LGI1: variants seen among roughly 807,000 people sequenced by gnomAD.
LGI1 encodes the protein leucine rich glioma inactivated 1.
A neutral mutation model predicts 57.7 loss-of-function variants in LGI1; 11 were observed. That is an observed-to-expected ratio of 0.19 (90% CI 0.12 to 0.32). The LOEUF is 0.32. LGI1 is among the 10% of genes least tolerant of loss of function. LGI1 has a pLI of 1.00. For missense variants in LGI1, 422 were observed against 661.9 expected (o/e 0.64, Z 3.98); for synonymous variants, 222 against 241.9 (o/e 0.92, Z 0.76).
chr10:93,763,700 G>C (rs1439250399), intron 2 of LGI1: 1 of 152,170 alleles, frequency 6.6e-6, no homozygotes, highest in Admixed American at 6.5e-5. Flanking sequence ...TGCTCATGAA[G>C]TTGTGAATTC....
At chr10:93,771,019 GA>G (rs2059731610) in intron 2 of LGI1, 1 of 151,498 alleles carries the variant, frequency 6.6e-6, no homozygotes, top group South Asian at 2.1e-4. Flanking sequence ...AAGCAATAAA[GA>G]AAAGATAAAA....
chr10:93,777,519 G>T, intron 3 of LGI1, 27 bp from the exon 4 acceptor site: 1 of 1,611,458 alleles, frequency 6.2e-7, no homozygotes, highest in South Asian at 1.1e-5. Context: ...GTAACTGTTT[G>T]ACAAAAAATA....
chr10:93,794,362 CTTTTTTTT>C (rs71031540), intron 7 of LGI1, among the ~76,000 whole-genome samples: 1 of 101,198 alleles, frequency 9.9e-6, no homozygotes, highest in East Asian at 2.9e-4. Context: ...CTGGATCTCT[CTTTTTTTT>C]TTTTTTTTTT....
At chr10:93,783,722 ATC>A (rs1384422488) in intron 4 of LGI1, among the ~76,000 whole-genome samples, 1 of 152,142 alleles carries the variant, frequency 6.6e-6, no homozygotes, top group Non-Finnish European at 1.5e-5. Flanking sequence ...ATTTAAAAGT[ATC>A]TATTAGGCTG....
At chr10:93,790,017 A>C in intron 4 of LGI1, 82 bp from the exon 5 acceptor site, 2 of 1,272,310 alleles carry the variant, frequency 1.6e-6, no homozygotes, top group Non-Finnish European at 2.2e-6. Context: ...GACAAAAGAG[A>C]CTCATCACTA....
intron 2 of LGI1, among the ~76,000 whole-genome samples, chr10:93,760,274 A>G (rs1555869): frequency 0.29 from 43,617 of 151,982 alleles, 6,616 homozygotes; most frequent in South Asian, 0.42. Context: ...TGACTGGGGG[A>G]AGTGTTAGTT....
intron 4 of LGI1, 105 bp from the exon 5 acceptor site, chr10:93,789,994 G>A (rs1277500584): frequency 1.2e-5 from 13 of 1,115,522 alleles, no homozygotes; most frequent in African/African-American, 1.6e-5. Context: ...AAGTCTTTTA[G>A]TAGGCTGGAA....
Position 93,797,935 on chromosome 10 carries a change from C to T in LGI1, c.*132C>T. On this transcript the variant is annotated 3_prime_UTR_variant, in exon 8 of 8. Transcript: ENST00000371418. This position sits in a 1 kb window ranked among gnomAD's most constrained non-coding sequence, Gnocchi z 6.5. ...AAACATTGAGACTGCTAGAACCAAG[C>T]ACTACCAGTATCTCCATCCTTAACT... The T allele has an allele frequency of 1.4e-6, 1 of 730,924 alleles. No individual in the cohort carries two copies. The highest frequency in any genetic ancestry group is 1.5e-5 in the South Asian group (1 of 68,508). The allele number at this position is 730,924 out of a possible 1,614,324, so 45.3% of individuals were successfully genotyped here. A position where few individuals can be genotyped will look rare whatever the true frequency, so the allele number is the denominator to read the frequency against.
At chr10:93,791,024 A>G (rs988272972) in intron 5 of LGI1, 2 of 152,362 alleles carry the variant, frequency 1.3e-5, no homozygotes, top group East Asian at 3.9e-4. Flanking sequence ...CCAATAACAA[A>G]CAAAAAGAAA....
rs1189009034 is a variant in LGI1, at chr10:93,796,824, T to TA, written c.839-144_839-143insA. ...TTTAGGACACTGCTGCCATTGGGCT[T>TA]TGGAGACCAGCCTTGCCTAATCAAC... On this transcript the variant is annotated intron_variant, in intron 7 of 7. Coordinates refer to ENST00000371418, the MANE Select transcript of LGI1 (RefSeq NM_005097.4). 3 of 702,472 alleles carry TA rather than the reference T, an allele frequency of 4.3e-6. No homozygotes were observed. The African/African-American group carries it at 5.3e-5, about 12-fold the overall frequency. The allele number at this position is 702,472 out of a possible 1,614,324, so 43.5% of individuals were successfully genotyped here. A position where few individuals can be genotyped will look rare whatever the true frequency, so the allele number is the denominator to read the frequency against.
chr10:93,758,473 T>G lies in LGI1; in HGVS notation c.215+114T>G. 2 of 1,098,530 alleles carry G rather than the reference T, an allele frequency of 1.8e-6. No individual in the cohort carries two copies. The highest frequency in any genetic ancestry group is 2.8e-6 in the Non-Finnish European group (2 of 725,376). The allele number at this position is 1,098,530 out of a possible 1,614,324, so 68.0% of individuals were successfully genotyped here. A position where few individuals can be genotyped will look rare whatever the true frequency, so the allele number is the denominator to read the frequency against. On this transcript the variant is annotated intron_variant, in intron 1 of 7. Transcript: ENST00000371418. The surrounding 1 kb of genome is among the most constrained non-coding windows in gnomAD (Gnocchi z 4.7). ...CATGGAGAGAGAGATTCCTCTTGCATGCTTGGCCATTTGACAGTGCTAACA... is the reference window on the plus strand; with the variant it reads ...CATGGAGAGAGAGATTCCTCTTGCAGGCTTGGCCATTTGACAGTGCTAACA...
At chr10:93,788,027 C>T (rs1186514876) in intron 4 of LGI1, among the ~76,000 whole-genome samples, 2 of 152,164 alleles carry the variant, frequency 1.3e-5, no homozygotes, top group Non-Finnish European at 2.9e-5. Context: ...TGCATGCCCA[C>T]TGTCCTGTGA....
intron 2 of LGI1, chr10:93,770,960 A>G (rs569825864): frequency 1.3e-5 from 2 of 152,226 alleles, no homozygotes; most frequent in South Asian, 2.1e-4. Flanking sequence ...GAATAAAAGT[A>G]TATTATTGAG....
At chr10:93,760,717 G>A (rs910472867) in intron 2 of LGI1, among the ~76,000 whole-genome samples, 2 of 152,188 alleles carry the variant, frequency 1.3e-5, no homozygotes, top group Non-Finnish European at 1.5e-5. Context: ...GTGATTTCAC[G>A]TATTTAGAAT....
chr10:93,779,443 G>A (rs1410913372), intron 4 of LGI1, among the ~76,000 whole-genome samples: 1 of 132,764 alleles, frequency 7.5e-6, no homozygotes, highest in African/African-American at 2.7e-5. Flanking sequence ...GGAGGGAGGG[G>A]AGGGGAGGGG....
intron 4 of LGI1, among the ~76,000 whole-genome samples, chr10:93,779,604 C>T (rs552143078): frequency 6.6e-6 from 1 of 152,220 alleles, no homozygotes; most frequent in South Asian, 2.1e-4. Flanking sequence ...TAGTGTAGGA[C>T]ACCCATTTTG....
intron 4 of LGI1, 26 bp from the exon 5 acceptor site, chr10:93,790,073 C>T (rs745562947): frequency 1.9e-5 from 26 of 1,345,642 alleles, no homozygotes; most frequent in Non-Finnish European, 2.4e-5. Flanking sequence ...CTACAGTTTA[C>T]ATCACCTTTT....
At chr10:93,759,258 A>G (rs2059598237) in intron 2 of LGI1, 1 of 172,444 alleles carries the variant, frequency 5.8e-6, no homozygotes, top group Non-Finnish European at 1.2e-5. Flanking sequence ...ATGATTTACC[A>G]TGTGGGGAAA....
chr10:93,789,237 A>G (rs1017696283), intron 4 of LGI1: 2 of 152,224 alleles, frequency 1.3e-5, no homozygotes, highest in African/African-American at 4.8e-5. Context: ...GAATAGATGG[A>G]TAGGTTTTTA....
Sources: gnomAD v4.1 joint callset for allele counts (sites outside exome capture counted in the v4.1 genomes callset) on GRCh38, gnomAD v4.1.1 for gene constraint, Gnocchi (gnomAD v3.1) non-coding constraint, MANE v1.5 for transcripts, NCBI Gene and HGNC (gene_info 2026-07-23, HGNC 2026-07-21) for gene names.